The following AEBP2 variants were observed in gnomAD, a reference collection of about 807,000 sequenced individuals.
The protein encoded by AEBP2 is zinc finger protein AEBP2.
AEBP2 carries 10 observed loss-of-function variants against 50.8 expected under a neutral mutation model. The observed-to-expected ratio is 0.20, with a 90% confidence interval of 0.12 to 0.33. AEBP2 has a LOEUF of 0.33. Among genes scored for constraint, AEBP2 ranks in the 10% least tolerant of loss-of-function variants. The pLI, the probability that AEBP2 is intolerant of heterozygous loss-of-function variation, is 1.00. For synonymous variants in AEBP2, 296 were observed against 261.3 expected, an observed-to-expected ratio of 1.13 and a Z score of -1.28; for missense variants, 570 against 688.0, an observed-to-expected ratio of 0.83 and a Z score of 1.92.
At chr12:19,438,010 T>A (rs926736684), upstream of AEBP2, among the ~76,000 whole-genome samples, 1 of 152,188 alleles carries the variant, frequency 6.6e-6, no homozygotes, top group African/African-American at 2.4e-5. Flanking sequence ...CAGGGTGTAA[T>A]GTGGGCTCTT....
chr12:19,518,007 T>C (rs762196820), intron 7 of AEBP2, 80 bp from the exon 8 acceptor site: 4 of 1,288,306 alleles, frequency 3.1e-6, no homozygotes, highest in Non-Finnish European at 4.2e-6. Flanking sequence ...TGTATCTTAT[T>C]AATATTTTTA....
chr12:19,473,182 T>A, intron 2 of AEBP2, 66 bp from the exon 3 acceptor site: 1 of 644,518 alleles, frequency 1.6e-6, no homozygotes, highest in Non-Finnish European at 2.3e-6. Flanking sequence ...AATTTGAATG[T>A]ATGAGGAATC....
Position 19,439,760 on chromosome 12 carries a change from C to A in AEBP2, c.61C>A (p.Pro21Thr), listed in dbSNP as rs982709279. ...LEELSRLSPLPPGSPGSAARG... is the reference protein window; with the variant it reads ...LEELSRLSPLTPGSPGSAARG... Reference sequence around the variant, plus strand: ...GGAGCTCTCCCGCCTGAGCCCTCTGCCCCCCGGCAGCCCGGGTTCGGCGGC... The same window carrying A: ...GGAGCTCTCCCGCCTGAGCCCTCTGACCCCCGGCAGCCCGGGTTCGGCGGC... The change falls in exon 1 of 8, where the codon CCC becomes ACC. Residue 21 changes from proline (P) to threonine (T), a missense_variant. Transcript: ENST00000266508. 1 of 1,517,030 alleles carries A rather than the reference C, an allele frequency of 6.6e-7. No homozygotes were observed. The highest frequency in any genetic ancestry group is 2.0e-5 in the Admixed American group (1 of 49,944). The allele number at this position is 1,517,030 out of a possible 1,614,324, so 94.0% of individuals were successfully genotyped here.
chr12:19,450,945 AATTC>A (rs768952313), intron 1 of AEBP2, among the ~76,000 whole-genome samples: 15 of 151,604 alleles, frequency 9.9e-5, no homozygotes, highest in Non-Finnish European at 1.8e-4. Context: ...TTAAATCAGT[AATTC>A]ATTCAAGTTT....
chr12:19,429,694 A>G (rs2095750421), intron 1 of AEBP2, among the ~76,000 whole-genome samples: 1 of 152,086 alleles, frequency 6.6e-6, no homozygotes, highest in South Asian at 2.1e-4. Flanking sequence ...ATGGTATCTC[A>G]TTGTGGTTTT....
At chr12:19,477,281 C>T (rs1271535191) in intron 3 of AEBP2, among the ~76,000 whole-genome samples, 3 of 152,086 alleles carry the variant, frequency 2.0e-5, no homozygotes, top group African/African-American at 7.2e-5. Context: ...CTTACCTATT[C>T]GGATGTCCTT....
chr12:19,493,813 G>A lies in AEBP2; in HGVS notation c.1001G>A (p.Gly334Asp). The change falls in exon 4 of 8, where the codon GGC becomes GAC. Residue 334 changes from glycine (G) to aspartate (D), a missense_variant. Transcript: ENST00000266508. ...GDKPFKCVVG[G>D]CNASFASQGG... is the part of the protein sequence containing the mutation. ...ATTTTCTTTTAGTGTGTTGTTGGTG[G>A]CTGCAATGCCAGCTTTGCTTCTCAG... The A allele has an allele frequency of 6.2e-7, 1 of 1,613,488 alleles. No homozygotes were observed. The highest frequency in any genetic ancestry group is 8.5e-7 in the Non-Finnish European group (1 of 1,179,724).
At chr12:19,511,843 A>G (rs999768078) in intron 5 of AEBP2, among the ~76,000 whole-genome samples, 3 of 151,888 alleles carry the variant, frequency 2.0e-5, no homozygotes, top group African/African-American at 4.8e-5. Flanking sequence ...TTTATTTTAT[A>G]CTAAACACTA....
intron 5 of AEBP2, among the ~76,000 whole-genome samples, chr12:19,507,573 A>T (rs2120566975): frequency 6.6e-6 from 1 of 152,336 alleles, no homozygotes; most frequent in South Asian, 2.1e-4. Context: ...CCTAGGAATG[A>T]GTGATGTCCA....
chr12:19,513,014 GT>G (rs1949258849), intron 6 of AEBP2, among the ~76,000 whole-genome samples: 1 of 151,968 alleles, frequency 6.6e-6, no homozygotes, highest in Non-Finnish European at 1.5e-5. Context: ...TTTTTGTTTT[GT>G]TTTTGTTTTT....
intron 5 of AEBP2, chr12:19,509,072 C>T (rs1296379077): frequency 1.4e-5 from 8 of 579,392 alleles, no homozygotes; most frequent in South Asian, 1.7e-5. Flanking sequence ...TGGAGGGGTT[C>T]GTGCTGTGAG....
chr12:19,458,190 A>G (rs1028166440), intron 1 of AEBP2, among the ~76,000 whole-genome samples: 1 of 152,172 alleles, frequency 6.6e-6, no homozygotes, highest in Non-Finnish European at 1.5e-5. Context: ...GTTACCTGTC[A>G]TTTGTTTTCT....
At chr12:19,498,798 A>T (rs981941406) in intron 4 of AEBP2, among the ~76,000 whole-genome samples, 1 of 152,196 alleles carries the variant, frequency 6.6e-6, no homozygotes, top group Non-Finnish European at 1.5e-5. Context: ...TCTTCAGTGT[A>T]TAATTTTTTT....
At chr12:19,449,841 C>T (rs1487966689) in intron 1 of AEBP2, among the ~76,000 whole-genome samples, 6 of 152,080 alleles carry the variant, frequency 3.9e-5, no homozygotes, top group Non-Finnish European at 5.9e-5. Flanking sequence ...TTAAGTTTCT[C>T]GCTAAAAATG....
intron 1 of AEBP2, among the ~76,000 whole-genome samples, chr12:19,457,944 T>C (rs533735829): frequency 6.0e-4 from 92 of 152,326 alleles, no homozygotes; most frequent in African/African-American, 2.2e-3. Context: ...GTGAGTGTAT[T>C]GTCTGGCTTA....
rs73335370 is a variant in AEBP2 at position 19,411,662 on chromosome 12, C to A, written c.-17+7446C>A. On this transcript the variant is annotated intron_variant, in intron 1 of 3. Coordinates refer to the AEBP2 transcript ENST00000538425. Reference sequence around the variant, plus strand: ...ACTTGTTATTATTACTATGATTATTCTTCTCTCAGGTTCTGGCACATCTAA... The same window carrying A: ...ACTTGTTATTATTACTATGATTATTATTCTCTCAGGTTCTGGCACATCTAA... Among the ~76,000 whole-genome samples, 809 of 152,290 alleles carry A rather than the reference C, an allele frequency of 5.3e-3. 6 individuals are homozygous for A. Among genetic ancestry groups the A allele is most frequent in the African/African-American group, 0.015 (633 of 41,554 alleles).
At chr12:19,457,637 T>C in intron 1 of AEBP2, 2 of 1,399,736 alleles carry the variant, frequency 1.4e-6, no homozygotes, top group Non-Finnish European at 1.9e-6. Flanking sequence ...TATGAGTCTT[T>C]TCCTTTCCCA....
At chr12:19,433,553 G>A (rs1441747778) in intron 1 of AEBP2, among the ~76,000 whole-genome samples, 1 of 152,004 alleles carries the variant, frequency 6.6e-6, no homozygotes, top group Non-Finnish European at 1.5e-5. Context: ...GCTGAGGCAG[G>A]TGGATCACAT....
At position 19,518,770 on chromosome 12, in the gene AEBP2, A is replaced by G. The variant is rs2120649675; in HGVS notation, c.*653A>G. 1 of 1,457,666 alleles carries G rather than the reference A, an allele frequency of 6.9e-7. No homozygotes were observed. The highest frequency in any genetic ancestry group is 2.5e-5 in the East Asian group (1 of 39,552). The allele number at this position is 1,457,666 out of a possible 1,614,324, so 90.3% of individuals were successfully genotyped here. ...TTCGTCTATCGAATTAGGGCTGAAA[A>G]TTACTGTTAAAGAGTGTTGCAGTAT... On this transcript the variant is annotated 3_prime_UTR_variant, in exon 8 of 8. Coordinates refer to ENST00000266508, the MANE Select transcript of AEBP2 (RefSeq NM_153207.5).
Sources: allele counts gnomAD v4.1 joint callset (sites outside exome capture counted in the v4.1 genomes callset), GRCh38; gene constraint gnomAD v4.1.1; transcripts MANE v1.5; gene names NCBI Gene and HGNC (gene_info 2026-07-23, HGNC 2026-07-21).